SORBS2: variants seen among roughly 807,000 people sequenced by gnomAD.
SORBS2 encodes the protein sorbin and SH3 domain containing 2.
Under a neutral mutation model 97.7 loss-of-function variants are expected in SORBS2, and 46 were observed. The ratio of observed to expected loss-of-function variants is 0.47; its 90% CI spans 0.37 to 0.60. The LOEUF (loss-of-function observed/expected upper bound fraction) is 0.60, where lower values mean the gene tolerates loss of function less well. Among genes scored for constraint, SORBS2 ranks in the 20% least tolerant of loss-of-function variants. The pLI is 0.00. For missense variants in SORBS2, 1,316 were observed against 1,282.3 expected (o/e 1.03, Z -0.40); for synonymous variants, 476 against 473.4 (o/e 1.01, Z -0.07).
intron 1 of SORBS2, among the ~76,000 whole-genome samples, chr4:185,912,334 C>T (rs2099255597): frequency 6.6e-6 from 1 of 152,010 alleles, no homozygotes; most frequent in Admixed American, 6.5e-5. Flanking sequence ...CCTGTAATCG[C>T]AGCACTTTGG....
intron 1 of SORBS2, among the ~76,000 whole-genome samples, chr4:185,924,231 G>A (rs1435622315): frequency 6.6e-6 from 1 of 152,178 alleles, no homozygotes; most frequent in Non-Finnish European, 1.5e-5. Context: ...TACAAGAAAA[G>A]ACGAGTAGTC....
At chr4:185,611,707 T>C in intron 12 of SORBS2, 73 bp downstream of exon 24, 1 of 1,187,280 alleles carries the variant, frequency 8.4e-7, no homozygotes, top group Non-Finnish European at 1.2e-6. Flanking sequence ...TAATCTAATA[T>C]CCTAAAGTCA....
intron 2 of SORBS2, among the ~76,000 whole-genome samples, chr4:185,700,258 G>T (rs1195500830): frequency 2.0e-5 from 3 of 151,696 alleles, no homozygotes; most frequent in Admixed American, 1.3e-4. Flanking sequence ...GGAAGATTGG[G>T]CTCCAGCTGC....
intron 1 of SORBS2, among the ~76,000 whole-genome samples, chr4:185,836,678 C>G (rs1486066112): frequency 6.6e-6 from 1 of 152,110 alleles, no homozygotes; most frequent in East Asian, 1.9e-4. Flanking sequence ...CTATTCAAAC[C>G]CAGCTCATGA....
chr4:185,829,393 G>C (rs2099203868), intron 1 of SORBS2, among the ~76,000 whole-genome samples: 1 of 152,146 alleles, frequency 6.6e-6, no homozygotes, highest in African/African-American at 2.4e-5. Flanking sequence ...TCCAGCTATT[G>C]AGATCTTGGT....
At chr4:185,907,093 G>A (rs1171415239) in intron 1 of SORBS2, among the ~76,000 whole-genome samples, 4 of 150,690 alleles carry the variant, frequency 2.7e-5, no homozygotes, top group South Asian at 2.1e-4. Context: ...CTGAGATGGT[G>A]CCACTGCACT....
chr4:185,792,233 G>A lies in SORBS2; in HGVS notation c.-337-16867C>T, dbSNP rs558272698. The stretch of plus-strand genomic sequence containing the variant: ...AATATGGGACGGCGTGGTGGCTTAC[G>A]CCTATAATCCCAGCACTCGGGAGGC... On this transcript the variant is annotated intron_variant, in intron 1 of 20. Coordinates refer to the SORBS2 transcript ENST00000284776. Among the ~76,000 whole-genome samples the A allele has an allele frequency of 1.2e-3, 188 of 152,232 alleles. 1 individual carries two copies. Among genetic ancestry groups the A allele is most frequent in the African/African-American group, 4.0e-3 (168 of 41,516 alleles).
In SORBS2 at chr4:185,780,037, C is replaced by T. The variant is rs1055978597; in HGVS notation, c.-337-4671G>A. On this transcript the variant is annotated intron_variant, in intron 1 of 20. Coordinates refer to the SORBS2 transcript ENST00000284776. Reference sequence around the variant, plus strand: ...TTTTTTTTTTTTTTTTTTTTTGAGACGGAGTTTTGCTCTTGTTGCCCAGGC... The same window carrying T: ...TTTTTTTTTTTTTTTTTTTTTGAGATGGAGTTTTGCTCTTGTTGCCCAGGC... 1.8e-3 allele frequency among the ~76,000 whole-genome samples: 169 copies of T among 94,538 alleles called. 1 individual carries two copies. Among genetic ancestry groups the T allele is most frequent in the African/African-American group, 6.8e-3 (161 of 23,544 alleles). The allele number at this position is 94,538 out of a possible 152,430, so 62.0% of individuals were successfully genotyped here.
chr4:185,902,451 G>C (rs1004047257), intron 1 of SORBS2, among the ~76,000 whole-genome samples: 3 of 152,040 alleles, frequency 2.0e-5, no homozygotes, highest in Non-Finnish European at 2.9e-5. Flanking sequence ...AGAGTAAATG[G>C]CCTGTGAAGT....
chr4:185,668,113 C>T (rs143321658), intron 4 of SORBS2, among the ~76,000 whole-genome samples: 99 of 152,274 alleles, frequency 6.5e-4, no homozygotes, highest in Middle Eastern at 3.4e-3. Flanking sequence ...AGACTTTTCC[C>T]TTTCAAATTA....
intron 1 of SORBS2, among the ~76,000 whole-genome samples, chr4:185,860,217 C>T (rs575222064): frequency 6.6e-6 from 1 of 152,320 alleles, no homozygotes; most frequent in African/African-American, 2.4e-5. Context: ...CCCTATAAGT[C>T]TCAAAGACTG....
At chr4:185,654,196 T>C (rs1462478566) in intron 1 of SORBS2, among the ~76,000 whole-genome samples, 1 of 152,194 alleles carries the variant, frequency 6.6e-6, no homozygotes, top group Non-Finnish European at 1.5e-5. Flanking sequence ...TGATTGACTA[T>C]TCAGTCAAAG....
At chr4:185,789,101 A>G (rs935050251) in intron 1 of SORBS2, among the ~76,000 whole-genome samples, 4 of 152,218 alleles carry the variant, frequency 2.6e-5, no homozygotes, top group Admixed American at 2.0e-4. Context: ...CGTTTGACTT[A>G]CAGATCAAGG....
At chr4:185,868,339 G>A (rs1364600899) in intron 1 of SORBS2, among the ~76,000 whole-genome samples, 1 of 151,170 alleles carries the variant, frequency 6.6e-6, no homozygotes, top group Non-Finnish European at 1.5e-5. Flanking sequence ...TGTATTTTCA[G>A]TAGAGACAGG....
chr4:185,704,661 C>A (rs1349977988), intron 2 of SORBS2, among the ~76,000 whole-genome samples: 2 of 151,502 alleles, frequency 1.3e-5, no homozygotes, highest in African/African-American at 2.5e-5. Flanking sequence ...AGTTTGAGAG[C>A]CCATTCTACT....
At chr4:185,924,445 T>C (rs184715009) in intron 1 of SORBS2, among the ~76,000 whole-genome samples, 1 of 152,334 alleles carries the variant, frequency 6.6e-6, no homozygotes, top group East Asian at 1.9e-4. Flanking sequence ...AAACATTTCT[T>C]GCCTAGCAGA....
rs749557253 is a variant in SORBS2, at chr4:185,611,755, T to A, written c.2796+25A>T. On this transcript the variant is annotated intron_variant, in intron 12 of 14. Transcript: ENST00000418609. Reference sequence around the variant, plus strand: ...CTTACTTGGAGCTTCCAATATTACATTAACATGATAGAGTATGTTCTTACC... The same window carrying A: ...CTTACTTGGAGCTTCCAATATTACAATAACATGATAGAGTATGTTCTTACC... 4 of 1,583,258 alleles carry A rather than the reference T, an allele frequency of 2.5e-6. No individual in the cohort carries two copies. In the Admixed American group the frequency reaches 6.7e-5, roughly 26 times the overall value.
intron 1 of SORBS2, among the ~76,000 whole-genome samples, chr4:185,918,871 G>C (rs2099259607): frequency 6.6e-6 from 1 of 152,116 alleles, no homozygotes; most frequent in South Asian, 2.1e-4. Flanking sequence ...TTCCACGTAT[G>C]TTCACCCAGT....
chr4:185,775,268 G>A (rs2098994411), exon 2 of SORBS2: 1 of 152,646 alleles, frequency 6.6e-6, no homozygotes, highest in Non-Finnish European at 1.5e-5. Context: ...TACAGAGGAA[G>A]TAGGAGTCAG....
Sources: gnomAD v4.1 joint callset for allele counts (sites outside exome capture counted in the v4.1 genomes callset) on GRCh38, gnomAD v4.1.1 for gene constraint, MANE v1.5 for transcripts, NCBI Gene and HGNC (gene_info 2026-07-23, HGNC 2026-07-21) for gene names.